CIT: variants seen among roughly 807,000 people sequenced by gnomAD.
The protein encoded by CIT is citron rho-interacting serine/threonine kinase.
In CIT, 79 loss-of-function variants were observed where a neutral mutation model predicts 272.7. That is an observed-to-expected ratio of 0.29 (90% CI 0.24 to 0.35). The LOEUF (loss-of-function observed/expected upper bound fraction) is 0.35. Among genes scored for constraint, CIT ranks in the 10% least tolerant of loss-of-function variants. The pLI, the probability that CIT is intolerant of heterozygous loss-of-function variation, is 1.00. For synonymous variants in CIT, 948 were observed against 995.6 expected (o/e 0.95, Z 0.90); for missense variants, 1,909 against 2,618.3 (o/e 0.73, Z 5.91).
intron 3 of CIT, among the ~76,000 whole-genome samples, chr12:119,863,073 G>A (rs1327009516): frequency 6.0e-5 from 9 of 149,744 alleles, no homozygotes; most frequent in Middle Eastern, 3.4e-3. Flanking sequence ...ATGGTGGTGC[G>A]CACCTGTAGT....
intron 32 of CIT, among the ~76,000 whole-genome samples, chr12:119,717,331 C>T (rs1192511867): frequency 6.6e-6 from 1 of 150,896 alleles, no homozygotes; most frequent in Non-Finnish European, 1.5e-5. Context: ...GGATTACAGG[C>T]GTGAGCCACC....
chr12:119,872,661 A>G (rs547176082), intron 2 of CIT, among the ~76,000 whole-genome samples: 5 of 152,314 alleles, frequency 3.3e-5, no homozygotes, highest in African/African-American at 9.6e-5. Context: ...CTGTGGCCCA[A>G]TGGCTATGTG....
chr12:119,866,943 C>T (rs993008028), intron 3 of CIT, among the ~76,000 whole-genome samples: 6 of 152,146 alleles, frequency 3.9e-5, no homozygotes, highest in Admixed American at 3.9e-4. Flanking sequence ...GGCTGTAGTT[C>T]CTTGACTTCT....
intron 10 of CIT, among the ~76,000 whole-genome samples, chr12:119,790,268 G>T (rs413236): frequency 0.45 from 67,894 of 151,650 alleles, 15,720 homozygotes; most frequent in Admixed American, 0.56. Flanking sequence ...GCAGCAAGTC[G>T]GCTGGTCTCA....
intron 10 of CIT, among the ~76,000 whole-genome samples, chr12:119,797,781 A>T (rs568583434): frequency 4.6e-5 from 7 of 152,200 alleles, no homozygotes; most frequent in Non-Finnish European, 1.0e-4. Flanking sequence ...AGGAAACAGG[A>T]CTGATTGGAG....
intron 41 of CIT, 44 bp downstream of exon 41, chr12:119,704,297 CACTGGCTCGCTGAGAGAGCAGG>C (rs1346662074): frequency 8.1e-6 from 12 of 1,477,574 alleles, no homozygotes; most frequent in Non-Finnish European, 1.0e-5. Context: ...GCACTTTCCA[CACTGGCTCGCTGAGAGAGCAGG>C]ACTGGCTTTC....
At chr12:119,776,131 G>A (rs1263858858) in intron 15 of CIT, among the ~76,000 whole-genome samples, 2 of 152,126 alleles carry the variant, frequency 1.3e-5, no homozygotes, top group African/African-American at 4.8e-5. Flanking sequence ...AAGTGTCTGG[G>A]TTTGTTGCTG....
At chr12:119,864,318 T>G (rs192588812) in intron 3 of CIT, among the ~76,000 whole-genome samples, 220 of 152,202 alleles carry the variant, frequency 1.4e-3, no homozygotes, top group African/African-American at 4.8e-3. Context: ...GTGGTGGTTT[T>G]GGATTTTTTT....
chr12:119,761,329 T>G (rs1315936799), intron 19 of CIT, among the ~76,000 whole-genome samples: 2 of 152,098 alleles, frequency 1.3e-5, no homozygotes, highest in Non-Finnish European at 2.9e-5. Flanking sequence ...ACCAGAGAGA[T>G]ATATTCAAAA....
At chr12:119,866,822 A>C (rs963224656) in intron 3 of CIT, among the ~76,000 whole-genome samples, 1 of 152,236 alleles carries the variant, frequency 6.6e-6, no homozygotes, top group Non-Finnish European at 1.5e-5. Flanking sequence ...AAAAAAAATA[A>C]ATAAAATGAA....
chr12:119,782,751 G>T, intron 12 of CIT, 114 bp from the exon 13 acceptor site: 1 of 1,291,166 alleles, frequency 7.7e-7, no homozygotes. Context: ...TTCGAGTGAC[G>T]GACCACAGTT....
intron 27 of CIT, among the ~76,000 whole-genome samples, chr12:119,729,669 A>T (rs996799127): frequency 1.3e-5 from 2 of 152,248 alleles, no homozygotes; most frequent in South Asian, 2.1e-4. Flanking sequence ...ATACACCAAT[A>T]AAACAACAGC....
chr12:119,721,670 C>A (rs1323298783), intron 28 of CIT, among the ~76,000 whole-genome samples: 1 of 152,196 alleles, frequency 6.6e-6, no homozygotes, highest in African/African-American at 2.4e-5. Flanking sequence ...GTCCGAGGAT[C>A]CCTACCGTCA....
At chr12:119,797,335 G>A (rs1200854073) in intron 10 of CIT, among the ~76,000 whole-genome samples, 3 of 152,258 alleles carry the variant, frequency 2.0e-5, no homozygotes, top group Non-Finnish European at 4.4e-5. Flanking sequence ...TGCCAGGGCT[G>A]CAAGGCAGGC....
At chr12:119,858,648 G>A (rs776011389) in intron 3 of CIT, among the ~76,000 whole-genome samples, 39 of 151,910 alleles carry the variant, frequency 2.6e-4, no homozygotes, top group African/African-American at 8.5e-4. Flanking sequence ...GTGAAACCCC[G>A]TCTCTACCAA....
At chr12:119,720,701 C>T in intron 29 of CIT, 116 bp from the exon 30 acceptor site, 1 of 660,510 alleles carries the variant, frequency 1.5e-6, no homozygotes, top group South Asian at 2.2e-5. Flanking sequence ...GAAAATCCAA[C>T]ACAAACAGTA....
chr12:119,760,749 A>C (rs188240318), intron 20 of CIT, among the ~76,000 whole-genome samples, 190 bp downstream of exon 20: 1 of 152,168 alleles, frequency 6.6e-6, no homozygotes, highest in East Asian at 1.9e-4. Flanking sequence ...AAAACTGGCC[A>C]TCCAGAGCCA....
chr12:119,838,486 A>G (rs1969178537), intron 5 of CIT, among the ~76,000 whole-genome samples: 1 of 152,198 alleles, frequency 6.6e-6, no homozygotes, highest in South Asian at 2.1e-4. Context: ...GACTTCATGG[A>G]TCACATTCCA....
At position 119,697,525 on chromosome 12, in the gene CIT, G is replaced by T; in HGVS notation, c.5882+134C>A. ...CTGTGTTATTTCAGTGCCGCAGATC[G>T]CAAACAAATGAATGGTTTGAGCTTA... On this transcript the variant is annotated intron_variant, in intron 46 of 47. Transcript: ENST00000392521. The surrounding 1 kb of genome is among the most constrained non-coding windows in gnomAD (Gnocchi z 4.9). 1 of 958,316 alleles carries T rather than the reference G, an allele frequency of 1.0e-6. No homozygotes were observed. The highest frequency in any genetic ancestry group is 1.6e-6 in the Non-Finnish European group (1 of 639,534). The allele number at this position is 958,316 out of a possible 1,614,324, so 59.4% of individuals were successfully genotyped here.
Sources: gnomAD v4.1 joint callset for allele counts (sites outside exome capture counted in the v4.1 genomes callset) on GRCh38, gnomAD v4.1.1 for gene constraint, Gnocchi (gnomAD v3.1) non-coding constraint, MANE v1.5 for transcripts, NCBI Gene and HGNC (gene_info 2026-07-23, HGNC 2026-07-21) for gene names.